Variants in NAV3 observed in about 807,000 individuals in gnomAD.
The protein encoded by NAV3 is neuron navigator 3.
NAV3 carries 87 observed loss-of-function variants against 244.7 expected under a neutral mutation model. The observed-to-expected ratio is 0.36, with a 90% CI of 0.30 to 0.42. The LOEUF is 0.42. Ranked by LOEUF, NAV3 falls within the 20% of genes least tolerant of loss-of-function variation. The probability of loss-of-function intolerance (pLI) is 1.00; values close to 1 mark genes in which losing one functional copy is unlikely to be tolerated. For synonymous variants in NAV3, 1,126 were observed against 1,042.2 expected (o/e 1.08, Z -1.55); for missense variants, 2,663 against 2,893.3 (o/e 0.92, Z 1.83).
intron 3 of NAV3, among the ~76,000 whole-genome samples, chr12:77,956,559 G>A (rs1236270564): frequency 6.6e-6 from 1 of 152,120 alleles, no homozygotes; most frequent in Non-Finnish European, 1.5e-5. Context: ...GCAACACAGT[G>A]TTTTAAATCC....
chr12:77,585,630 T>G (rs1194966526), intron 2 of NAV3, among the ~76,000 whole-genome samples: 1 of 152,170 alleles, frequency 6.6e-6, no homozygotes, highest in African/African-American at 2.4e-5. Context: ...GCATGTATAG[T>G]TCACAGTAGG....
intron 12 of NAV3, among the ~76,000 whole-genome samples, chr12:78,065,629 C>A (rs1311704331): frequency 6.6e-6 from 1 of 152,066 alleles, no homozygotes; most frequent in Non-Finnish European, 1.5e-5. Flanking sequence ...TGACAACTGG[C>A]AACTAGTTTC....
chr12:77,583,848 C>A (rs1286089655), intron 2 of NAV3, among the ~76,000 whole-genome samples: 3 of 152,164 alleles, frequency 2.0e-5, no homozygotes, highest in Non-Finnish European at 4.4e-5. Flanking sequence ...AACCTGTCTC[C>A]TGCCATTCTT....
At chr12:77,876,535 G>A (rs949823785) in intron 1 of NAV3, among the ~76,000 whole-genome samples, 1 of 152,062 alleles carries the variant, frequency 6.6e-6, no homozygotes, top group East Asian at 1.9e-4. Context: ...TAGTTGACAG[G>A]ACTCTGTCAC....
chr12:78,113,603 C>T (rs1021003216), intron 12 of NAV3, among the ~76,000 whole-genome samples: 1 of 152,156 alleles, frequency 6.6e-6, no homozygotes, highest in African/African-American at 2.4e-5. Flanking sequence ...TTGCAGGGCA[C>T]CAAGTCCCTA....
intron 12 of NAV3, among the ~76,000 whole-genome samples, chr12:78,099,059 C>T (rs936945372): frequency 6.6e-6 from 1 of 150,888 alleles, no homozygotes; most frequent in Non-Finnish European, 1.5e-5. Flanking sequence ...TTCAAATGTC[C>T]AAAACCTGTG....
intron 16 of NAV3, among the ~76,000 whole-genome samples, chr12:78,123,540 A>AT (rs11437932): frequency 0.68 from 103,364 of 151,764 alleles, 35,485 homozygotes; most frequent in Admixed American, 0.72. Context: ...ACTTTGTAAA[A>AT]ACAAAACCCA....
At position 77,671,148 on chromosome 12, in the gene NAV3, CA is replaced by C; in HGVS notation, c.72+98885del. 3.3e-5 allele frequency among the ~76,000 whole-genome samples: 5 copies of C among 152,068 alleles called. No homozygotes were observed. The East Asian group carries it at 9.7e-4, about 29-fold the overall frequency. On this transcript the variant is annotated intron_variant, in intron 2 of 8. Transcript: ENST00000550042. ...AGCTCCACTATACACCAACAGTGAC[CA>C]AACTGAGAATCAAATAAGGAACTCA... is the stretch of plus-strand genomic sequence containing the variant.
chr12:77,735,634 T>C (rs1292362639), intron 2 of NAV3, among the ~76,000 whole-genome samples: 3 of 152,166 alleles, frequency 2.0e-5, no homozygotes, highest in Non-Finnish European at 4.4e-5. Context: ...TAGATATTAT[T>C]TTATCACTAT....
chr12:78,176,312 C>T (rs903956536), intron 25 of NAV3, 127 bp from the exon 26 acceptor site: 5 of 851,474 alleles, frequency 5.9e-6, no homozygotes, highest in South Asian at 4.5e-5. Context: ...TACTGGAGTG[C>T]TTTCTACAAA....
chr12:78,197,697 T>G (rs1315644142), intron 35 of NAV3, among the ~76,000 whole-genome samples: 1 of 151,872 alleles, frequency 6.6e-6, no homozygotes. Context: ...ACCACAGTTT[T>G]AAAGACTCCA....
rs1877020583 is a variant in NAV3 at position 77,848,701 on chromosome 12, TC to T, written c.243+16999del. On this transcript the variant is annotated intron_variant, in intron 1 of 39. Coordinates refer to ENST00000397909, the MANE Select transcript of NAV3 (RefSeq NM_001024383.2). Reference sequence around the variant, plus strand: ...ACTAAACTTTGGAACAGTTTATCCATCCTGGCAGTGGCATACAGGATAAAGA... The same window carrying T: ...ACTAAACTTTGGAACAGTTTATCCATCTGGCAGTGGCATACAGGATAAAGA... Among the ~76,000 whole-genome samples, 4 of 152,178 alleles carry T rather than the reference TC, an allele frequency of 2.6e-5. No individual in the cohort carries two copies. In the South Asian group the frequency reaches 8.3e-4, roughly 31 times the overall value.
chr12:77,822,781 A>G (rs1872799921), intron 2 of NAV3, among the ~76,000 whole-genome samples: 1 of 152,190 alleles, frequency 6.6e-6, no homozygotes, highest in Admixed American at 6.5e-5. Context: ...CGAGTCATTT[A>G]TTCTCTGGGG....
chr12:78,183,486 G>GT (rs1473237566), intron 30 of NAV3, among the ~76,000 whole-genome samples: 1 of 151,948 alleles, frequency 6.6e-6, no homozygotes, highest in Non-Finnish European at 1.5e-5. Context: ...GAAAGTGACT[G>GT]TAACAATTTG....
At chr12:77,974,487 A>C (rs1433145352) in intron 5 of NAV3, among the ~76,000 whole-genome samples, 2 of 150,766 alleles carry the variant, frequency 1.3e-5, no homozygotes. Flanking sequence ...TTGTGGAGAC[A>C]TGGTTTCACC....
chr12:78,164,748 G>A (rs1325444527), intron 23 of NAV3, among the ~76,000 whole-genome samples: 1 of 152,008 alleles, frequency 6.6e-6, no homozygotes, highest in African/African-American at 2.4e-5. Flanking sequence ...AGGAGGACCT[G>A]TTTAAGGAAA....
chr12:77,962,807 T>A (rs763607445), intron 3 of NAV3, among the ~76,000 whole-genome samples: 2 of 152,176 alleles, frequency 1.3e-5, no homozygotes, highest in Non-Finnish European at 2.9e-5. Flanking sequence ...CTAGGAAGCA[T>A]CACAGTAACC....
chr12:78,129,676 T>C (rs1487476268), intron 18 of NAV3, among the ~76,000 whole-genome samples: 1 of 152,142 alleles, frequency 6.6e-6, no homozygotes, highest in Admixed American at 6.5e-5. Context: ...GTATTCTCAT[T>C]ATTTTTATGG....
chr12:77,766,406 C>G (rs1441741739), intron 2 of NAV3, among the ~76,000 whole-genome samples: 3 of 152,206 alleles, frequency 2.0e-5, no homozygotes, highest in African/African-American at 7.2e-5. Context: ...ATCTTAGTCT[C>G]AGAACTTGGC....
Sources: gnomAD v4.1 joint callset for allele counts (sites outside exome capture counted in the v4.1 genomes callset) on GRCh38, gnomAD v4.1.1 for gene constraint, MANE v1.5 for transcripts, NCBI Gene and HGNC (gene_info 2026-07-23, HGNC 2026-07-21) for gene names.